Variants in PIGL observed in about 807,000 individuals in gnomAD.
PIGL encodes phosphatidylinositol glycan anchor biosynthesis class L.
In PIGL, 22 loss-of-function variants were observed where a neutral mutation model predicts 31.1. That is an observed-to-expected ratio of 0.71 (90% CI 0.51 to 1.01). The LOEUF (loss-of-function observed/expected upper bound fraction) is 1.01, where lower values mean the gene tolerates loss of function less well. PIGL is among the 50% of genes least tolerant of loss of function. The pLI is 0.00. For missense variants in PIGL, 302 were observed against 315.9 expected (o/e 0.96, Z 0.33); for synonymous variants, 131 against 117.4 (o/e 1.12, Z -0.75).
chr17:16,256,473 T>G lies in PIGL; in HGVS notation c.335+22403T>G, dbSNP rs140109850. On this transcript the variant is annotated intron_variant, in intron 2 of 6. Coordinates refer to ENST00000225609, the MANE Select transcript of PIGL (RefSeq NM_004278.4). The stretch of plus-strand genomic sequence containing the variant: ...TTCAAGCGATTCCTCTGCCTCAGCC[T>G]CCCGAGTAGCTGGGACTACAGTTGC... Among the ~76,000 whole-genome samples the G allele has an allele frequency of 4.1e-3, 618 of 152,150 alleles. 6 individuals are homozygous for G. Among genetic ancestry groups the G allele is most frequent in the African/African-American group, 0.014 (596 of 41,498 alleles).
chr17:16,282,173 T>C, intron 2 of PIGL: 1 of 413,374 alleles, frequency 2.4e-6, no homozygotes, highest in Non-Finnish European at 5.4e-6. Flanking sequence ...CAAATTTCCT[T>C]CAGCTTTGCC....
At chr17:16,248,253 C>G (rs1243100478) in intron 2 of PIGL, among the ~76,000 whole-genome samples, 1 of 152,128 alleles carries the variant, frequency 6.6e-6, no homozygotes, top group Admixed American at 6.6e-5. Context: ...CGTTCTGGTT[C>G]CTTTTAAACG....
intron 2 of PIGL, among the ~76,000 whole-genome samples, chr17:16,278,247 G>T (rs1414769186): frequency 1.3e-5 from 2 of 152,062 alleles, no homozygotes; most frequent in Non-Finnish European, 2.9e-5. Flanking sequence ...GTAGAAACAG[G>T]GTTTCGCCAT....
intron 2 of PIGL, among the ~76,000 whole-genome samples, chr17:16,296,099 A>C (rs1028327298): frequency 6.6e-6 from 1 of 152,260 alleles, no homozygotes; most frequent in African/African-American, 2.4e-5. Flanking sequence ...TTATTTATTC[A>C]AACTGTGTAC....
chr17:16,269,301 G>C (rs1015833757), intron 2 of PIGL, among the ~76,000 whole-genome samples: 5 of 152,210 alleles, frequency 3.3e-5, no homozygotes, highest in African/African-American at 4.8e-5. Context: ...AGACTGACTA[G>C]AGTGGTGTTT....
At chr17:16,317,583 A>G (rs183173482) in intron 5 of PIGL, 192 bp from the exon 6 acceptor site, 503 of 1,392,628 alleles carry the variant, frequency 3.6e-4, no homozygotes, top group Non-Finnish European at 3.9e-4. Flanking sequence ...CAGGTCTTCT[A>G]TGGCCCTTTT....
At chr17:16,298,479 A>G (rs1248557189) in intron 2 of PIGL, among the ~76,000 whole-genome samples, 1 of 152,218 alleles carries the variant, frequency 6.6e-6, no homozygotes, top group Non-Finnish European at 1.5e-5. Context: ...CAAAGCACAG[A>G]AAAGAGACAG....
intron 2 of PIGL, among the ~76,000 whole-genome samples, chr17:16,235,485 C>A (rs1458555758): frequency 2.1e-5 from 3 of 143,480 alleles, no homozygotes; most frequent in Admixed American, 7.1e-5. Context: ...ACTCTGTTCC[C>A]GCCCAGCCTG....
chr17:16,313,660 G>T, intron 4 of PIGL, 46 bp downstream of exon 4: 1 of 1,406,844 alleles, frequency 7.1e-7, no homozygotes, highest in Non-Finnish European at 1.0e-6. Context: ...TTGTTTATTT[G>T]ATTAGGGCTC....
chr17:16,297,488 T>C (rs949648166), intron 2 of PIGL, among the ~76,000 whole-genome samples: 1 of 152,224 alleles, frequency 6.6e-6, no homozygotes, highest in African/African-American at 2.4e-5. Flanking sequence ...ATTACTGGTG[T>C]ATTCCCTCTC....
intron 3 of PIGL, among the ~76,000 whole-genome samples, chr17:16,311,486 A>ATTTTTTTTTTTTTTTTTT (rs1568840853): frequency 1.6e-3 from 16 of 10,300 alleles, no homozygotes; most frequent in East Asian, 4.8e-3. Flanking sequence ...TTTTTTGATC[A>ATTTTTTTTTTTTTTTTTT]TTCTTGGGTG....
chr17:16,240,646 A>G (rs1169877040), intron 2 of PIGL, among the ~76,000 whole-genome samples: 3 of 150,324 alleles, frequency 2.0e-5, no homozygotes, highest in African/African-American at 7.3e-5. Context: ...GACCACAGGC[A>G]TGCACCACCT....
chr17:16,320,972 C>G (rs1424085651), intron 6 of PIGL, among the ~76,000 whole-genome samples: 7 of 124,452 alleles, frequency 5.6e-5, no homozygotes, highest in African/African-American at 2.1e-4. Flanking sequence ...GAGTCTTGCT[C>G]TGTCACCCAG....
At chr17:16,319,205 A>G (rs1481131988) in intron 6 of PIGL, among the ~76,000 whole-genome samples, 1 of 129,494 alleles carries the variant, frequency 7.7e-6, no homozygotes, top group Non-Finnish European at 1.6e-5. Context: ...AGCCTGGGCA[A>G]CAGAGCCAGA....
intron 2 of PIGL, among the ~76,000 whole-genome samples, chr17:16,294,370 G>A (rs2092972614): frequency 1.3e-5 from 2 of 152,114 alleles, no homozygotes; most frequent in South Asian, 4.1e-4. Flanking sequence ...GAGCTTCTGG[G>A]GTGAAACTGG....
chr17:16,229,481 CTTTTTTT>C (rs71353784), intron 1 of PIGL, among the ~76,000 whole-genome samples: 3 of 114,218 alleles, frequency 2.6e-5, no homozygotes, highest in Non-Finnish European at 3.6e-5. Flanking sequence ...ACCGGTTTTC[CTTTTTTT>C]TTTTTTTTTT....
chr17:16,301,466 T>C (rs999110270), intron 3 of PIGL, among the ~76,000 whole-genome samples: 2 of 151,778 alleles, frequency 1.3e-5, no homozygotes, highest in East Asian at 1.9e-4. Flanking sequence ...AGTTTCACCA[T>C]GTTGATCAGG....
chr17:16,264,867 C>A (rs946267233), intron 2 of PIGL, among the ~76,000 whole-genome samples: 1 of 151,720 alleles, frequency 6.6e-6, no homozygotes, highest in Non-Finnish European at 1.5e-5. Flanking sequence ...CCTCAGGTGA[C>A]CCGCCCTCCT....
chr17:16,227,672 CCA>C (rs2092658563), intron 1 of PIGL, among the ~76,000 whole-genome samples: 1 of 148,858 alleles, frequency 6.7e-6, no homozygotes. Context: ...CCTCTGCCTC[CCA>C]GGTTCAAGCG....
Sources: gnomAD v4.1 joint callset for allele counts (sites outside exome capture counted in the v4.1 genomes callset) on GRCh38, gnomAD v4.1.1 for gene constraint, MANE v1.5 for transcripts, NCBI Gene and HGNC (gene_info 2026-07-23, HGNC 2026-07-21) for gene names.